Variants in ERC2 observed in about 807,000 individuals in gnomAD.
The protein encoded by ERC2 is ELKS/RAB6-interacting/CAST family member 2, also known as ERC protein 2.
ERC2 carries 42 observed loss-of-function variants against 114.8 expected under a neutral mutation model. The ratio of observed to expected loss-of-function variants is 0.37; its 90% confidence interval spans 0.29 to 0.47. The LOEUF (loss-of-function observed/expected upper bound fraction) is 0.47. ERC2 is among the 20% of genes least tolerant of loss of function. The probability of loss-of-function intolerance (pLI) is 0.99; values close to 1 mark genes in which losing one functional copy is unlikely to be tolerated. For synonymous variants in ERC2, 454 were observed against 425.5 expected, an observed-to-expected ratio of 1.07 and a Z score of -0.82; for missense variants, 939 against 1,150.7, an observed-to-expected ratio of 0.82 and a Z score of 2.66.
intron 14 of ERC2, among the ~76,000 whole-genome samples, chr3:55,767,322 A>G (rs978175792): frequency 1.3e-5 from 2 of 152,166 alleles, no homozygotes; most frequent in African/African-American, 4.8e-5. Context: ...CATTGCTAAC[A>G]TATCTGCCAG....
intron 4 of ERC2, among the ~76,000 whole-genome samples, chr3:56,168,314 G>C (rs1369547552): frequency 6.6e-6 from 1 of 152,138 alleles, no homozygotes; most frequent in East Asian, 1.9e-4. Context: ...AGGTGACATC[G>C]TTGTTGTTAG....
intron 17 of ERC2, among the ~76,000 whole-genome samples, chr3:55,656,902 C>T (rs377071418): frequency 2.2e-4 from 33 of 152,308 alleles, no homozygotes; most frequent in African/African-American, 7.7e-4. Context: ...AGAAGAATGG[C>T]ATCCTCAAAA....
rs2063377219 is a variant in ERC2, at chr3:55,887,024, A to ATTTGT, written c.2564+1364_2564+1365insACAAA. ...CACTGCTCTTGTCTGCATAATGACTACAGTGACTCAAACAGACAAAAGTTC... is the reference window on the plus strand; with the variant it reads ...CACTGCTCTTGTCTGCATAATGACTATTTGTCAGTGACTCAAACAGACAAAAGTTC... On this transcript the variant is annotated intron_variant, in intron 14 of 17. Coordinates refer to ENST00000288221, the MANE Select transcript of ERC2 (RefSeq NM_015576.3). 7.9e-5 allele frequency among the ~76,000 whole-genome samples: 12 copies of ATTTGT among 152,328 alleles called. 1 individual carries two copies. The South Asian group carries it at 2.5e-3, about 32-fold the overall frequency.
At chr3:56,030,065 C>T (rs190456315) in intron 7 of ERC2, among the ~76,000 whole-genome samples, 2 of 152,184 alleles carry the variant, frequency 1.3e-5, no homozygotes, top group South Asian at 2.1e-4. Flanking sequence ...CTTCATCTTT[C>T]GACTATGGGT....
At chr3:56,267,189 A>T (rs1412447953) in intron 3 of ERC2, among the ~76,000 whole-genome samples, 9 of 152,228 alleles carry the variant, frequency 5.9e-5, no homozygotes, top group Non-Finnish European at 1.3e-4. Flanking sequence ...CAGCACTTTA[A>T]AAGTTTCAGA....
chr3:56,379,035 C>T (rs944364140), intron 2 of ERC2, among the ~76,000 whole-genome samples: 21 of 152,156 alleles, frequency 1.4e-4, no homozygotes, highest in Non-Finnish European at 1.6e-4. Flanking sequence ...ACAGTGTTTT[C>T]GCAACATGTA....
At chr3:55,626,990 A>T (rs1180627518) in intron 17 of ERC2, among the ~76,000 whole-genome samples, 2 of 152,232 alleles carry the variant, frequency 1.3e-5, no homozygotes. Context: ...TCATCCCAGA[A>T]ATATCTGCTA....
At chr3:55,782,721 T>A (rs1372837564) in intron 14 of ERC2, among the ~76,000 whole-genome samples, 1 of 152,188 alleles carries the variant, frequency 6.6e-6, no homozygotes, top group African/African-American at 2.4e-5. Flanking sequence ...ACTGACAATA[T>A]GACAGACTCG....
rs151138979 is a variant in ERC2, at chr3:56,237,190, T to C, written c.1074+58829A>G. ...TGCCTGTGCCTAAGGCTGCATTTTA[T>C]ACTTCATTAACCTAGTATTTTTCCA... is the stretch of plus-strand genomic sequence containing the variant. On this transcript the variant is annotated intron_variant, in intron 3 of 17. Transcript: ENST00000288221. Among the ~76,000 whole-genome samples, 1,053 of 152,298 alleles carry C rather than the reference T, an allele frequency of 6.9e-3. 4 individuals carry two copies. Among genetic ancestry groups the C allele is most frequent in the Non-Finnish European group, 9.9e-3 (673 of 68,018 alleles).
chr3:55,983,457 G>A (rs2070325353), intron 12 of ERC2, among the ~76,000 whole-genome samples: 1 of 152,174 alleles, frequency 6.6e-6, no homozygotes, highest in Non-Finnish European at 1.5e-5. Flanking sequence ...ATTCTTGACA[G>A]ACATGGAGTT....
chr3:55,824,841 G>A (rs1026268372), intron 14 of ERC2, among the ~76,000 whole-genome samples: 1 of 152,174 alleles, frequency 6.6e-6, no homozygotes, highest in Non-Finnish European at 1.5e-5. Flanking sequence ...AACATTGAAT[G>A]GGTATAGCAA....
At chr3:55,512,757 C>G (rs1166732684) in intron 17 of ERC2, among the ~76,000 whole-genome samples, 1 of 152,110 alleles carries the variant, frequency 6.6e-6, no homozygotes, top group African/African-American at 2.4e-5. Flanking sequence ...ATACAATGCC[C>G]CACAATTGCA....
At chr3:56,455,252 T>G (rs1376661630) in intron 1 of ERC2, among the ~76,000 whole-genome samples, 1 of 151,678 alleles carries the variant, frequency 6.6e-6, no homozygotes, top group Admixed American at 6.6e-5. Context: ...TAAAATAAAT[T>G]TAAAAAAAAG....
At chr3:55,681,824 G>T (rs910651905) in intron 17 of ERC2, among the ~76,000 whole-genome samples, 1 of 152,158 alleles carries the variant, frequency 6.6e-6, no homozygotes, top group Non-Finnish European at 1.5e-5. Flanking sequence ...GATTTCCTAC[G>T]GGTCTTGGAG....
intron 6 of ERC2, among the ~76,000 whole-genome samples, chr3:56,098,266 C>G (rs2078169345): frequency 6.6e-6 from 1 of 152,154 alleles, no homozygotes; most frequent in African/African-American, 2.4e-5. Context: ...CTTTATAAAC[C>G]ATACGAATAG....
intron 15 of ERC2, among the ~76,000 whole-genome samples, chr3:55,733,441 CTGTCTCTCAT>C (rs1417007126): frequency 1.4e-5 from 2 of 147,760 alleles, no homozygotes; most frequent in Admixed American, 6.8e-5. Flanking sequence ...CTCATTCTCT[CTGTCTCTCAT>C]TCTCTCTCTC....
chr3:56,058,722 G>A (rs997136919), intron 7 of ERC2, among the ~76,000 whole-genome samples: 23 of 152,272 alleles, frequency 1.5e-4, no homozygotes, highest in East Asian at 1.4e-3. Flanking sequence ...AGCTCTTCCC[G>A]GTTCACTAGC....
intron 3 of ERC2, among the ~76,000 whole-genome samples, chr3:56,219,933 C>T (rs2049786410): frequency 6.6e-6 from 1 of 152,214 alleles, no homozygotes; most frequent in Non-Finnish European, 1.5e-5. Flanking sequence ...CCATTGCCCA[C>T]ACGTGGCTGT....
intron 7 of ERC2, among the ~76,000 whole-genome samples, chr3:56,051,683 G>A (rs771296599): frequency 1.3e-5 from 2 of 151,798 alleles, no homozygotes; most frequent in South Asian, 2.1e-4. Context: ...AAAATTAGCC[G>A]GGTATGGTGG....
Sources: gnomAD v4.1 joint callset for allele counts (sites outside exome capture counted in the v4.1 genomes callset) on GRCh38, gnomAD v4.1.1 for gene constraint, MANE v1.5 for transcripts, NCBI Gene and HGNC (gene_info 2026-07-23, HGNC 2026-07-21) for gene names.